Variants in DUS2 observed in about 807,000 individuals in gnomAD.
The protein encoded by DUS2 is dihydrouridine synthase 2.
Under a neutral mutation model 71.3 loss-of-function variants are expected in DUS2, and 52 were observed. The observed-to-expected ratio is 0.73, with a 90% CI of 0.58 to 0.92. DUS2 has a LOEUF of 0.92. Among genes scored for constraint, DUS2 ranks in the 40% least tolerant of loss-of-function variants. The pLI, the probability that DUS2 is intolerant of heterozygous loss-of-function variation, is 0.00. For synonymous variants in DUS2, 204 were observed against 227.8 expected (o/e 0.90, Z 0.94); for missense variants, 558 against 622.6 (o/e 0.90, Z 1.10).
intron 3 of DUS2, among the ~76,000 whole-genome samples, chr16:68,040,343 A>T (rs1000702018): frequency 6.6e-6 from 1 of 152,206 alleles, no homozygotes; most frequent in South Asian, 2.1e-4. Context: ...TTGGCCTCCC[A>T]AAGTGCTGGG....
chr16:68,032,597 G>A (rs1339667401), intron 2 of DUS2, among the ~76,000 whole-genome samples: 1 of 152,234 alleles, frequency 6.6e-6, no homozygotes, highest in Non-Finnish European at 1.5e-5. Context: ...GCATGACTGA[G>A]TTGGAGGAGT....
rs934292053 is a variant in DUS2 at position 68,055,522 on chromosome 16, G to A, written c.309-842G>A. 2.6e-5 allele frequency among the ~76,000 whole-genome samples: 4 copies of A among 152,128 alleles called. No individual in the cohort carries two copies. In the East Asian group the frequency reaches 7.7e-4, roughly 29 times the overall value. On this transcript the variant is annotated intron_variant, in intron 6 of 16. Transcript: ENST00000565263. ...AGGTTTTGAAGTTAAGACAGACCTG[G>A]TTTGCAATTCTGGTTTTGCTACTTG...
At chr16:68,049,874 T>C (rs930277259) in intron 4 of DUS2, among the ~76,000 whole-genome samples, 1 of 152,232 alleles carries the variant, frequency 6.6e-6, no homozygotes, top group Admixed American at 6.5e-5. Flanking sequence ...ATGTGTGACC[T>C]TGGGCAGGCC....
At chr16:68,055,938 G>C (rs2033845850) in intron 6 of DUS2, among the ~76,000 whole-genome samples, 1 of 151,950 alleles carries the variant, frequency 6.6e-6, no homozygotes, top group African/African-American at 2.4e-5. Flanking sequence ...TAAACCATCT[G>C]TGCAGCCCAG....
chr16:68,070,285 G>T, intron 11 of DUS2, 65 bp downstream of exon 11: 1 of 1,500,850 alleles, frequency 6.7e-7, no homozygotes, highest in Non-Finnish European at 9.3e-7. Flanking sequence ...TGGTAGCCAG[G>T]CCCAGCCTTC....
At chr16:68,072,562 C>T (rs1301550965) in intron 12 of DUS2, among the ~76,000 whole-genome samples, 1 of 152,232 alleles carries the variant, frequency 6.6e-6, no homozygotes, top group East Asian at 1.9e-4. Context: ...AGCCAGGTGC[C>T]TTCTTCCCAG....
At chr16:68,040,423 G>A (rs555343094) in intron 3 of DUS2, among the ~76,000 whole-genome samples, 6 of 152,180 alleles carry the variant, frequency 3.9e-5, no homozygotes, top group South Asian at 4.1e-4. Flanking sequence ...TAGGGCCCAC[G>A]ATTTATGTGA....
chr16:68,043,294 T>C (rs1463842278), intron 3 of DUS2, among the ~76,000 whole-genome samples: 5 of 152,028 alleles, frequency 3.3e-5, no homozygotes, highest in East Asian at 1.9e-4. Context: ...TAATCCCAGC[T>C]ACTGGGGAGG....
rs141210681 is a variant in DUS2, at chr16:68,035,678, C to T, written c.-18-2328C>T. On this transcript the variant is annotated intron_variant, in intron 2 of 16. Coordinates refer to ENST00000565263, the MANE Select transcript of DUS2 (RefSeq NM_017803.5). ...TGCTGGGATTATAGGCATGAGCCACCGTGCCTGGTCTCTCTTCTTCATTCT... is the reference window on the plus strand; with the variant it reads ...TGCTGGGATTATAGGCATGAGCCACTGTGCCTGGTCTCTCTTCTTCATTCT... Among the ~76,000 whole-genome samples, 530 of 148,940 alleles carry T rather than the reference C, an allele frequency of 3.6e-3. 2 individuals carry two copies. Among genetic ancestry groups the T allele is most frequent in the African/African-American group, 0.012 (470 of 40,192 alleles).
chr16:68,061,227 C>A, intron 8 of DUS2, 114 bp downstream of exon 8: 2 of 1,155,952 alleles, frequency 1.7e-6, no homozygotes, highest in Non-Finnish European at 2.5e-6. Flanking sequence ...CAGTTTCTCT[C>A]CCTGAGGCCT....
intron 1 of DUS2, chr16:68,023,906 C>A (rs536751592): frequency 5.2e-4 from 87 of 167,360 alleles, no homozygotes; most frequent in Non-Finnish European, 5.3e-4. Flanking sequence ...AGAACCCACC[C>A]CTCTTGCAGC....
intron 5 of DUS2, chr16:68,053,934 T>A: frequency 4.7e-6 from 2 of 421,104 alleles, no homozygotes; most frequent in Non-Finnish European, 8.7e-6. Context: ...GATTTCTCTA[T>A]TTTTTTATCC....
intron 13 of DUS2, among the ~76,000 whole-genome samples, chr16:68,074,702 C>T (rs2034133325): frequency 6.6e-6 from 1 of 152,244 alleles, no homozygotes. Context: ...GGCTCTCTCC[C>T]TCTCACGTGA....
chr16:68,028,200 G>A (rs1415601766), intron 2 of DUS2, among the ~76,000 whole-genome samples: 4 of 152,128 alleles, frequency 2.6e-5, no homozygotes, highest in Non-Finnish European at 5.9e-5. Context: ...TGTTGTCATG[G>A]TTCAGTTGAT....
rs2033750420 is a variant in DUS2 at position 68,049,556 on chromosome 16, T to G, written c.172+6T>G. 6.2e-7 allele frequency: 1 copy of G among 1,614,006 alleles called. No homozygotes were observed. The highest frequency in any genetic ancestry group is 8.5e-7 in the Non-Finnish European group (1 of 1,179,896). ...GTGCAAGAGAGTTGTTAATGGTGAGTACAGATCTGGCTCCAGAATTATGCA... is the reference window on the plus strand; with the variant it reads ...GTGCAAGAGAGTTGTTAATGGTGAGGACAGATCTGGCTCCAGAATTATGCA... On this transcript the variant is annotated splice_donor_region_variant and intron_variant, in intron 4 of 16. Coordinates refer to ENST00000565263, the MANE Select transcript of DUS2 (RefSeq NM_017803.5).
intron 12 of DUS2, among the ~76,000 whole-genome samples, chr16:68,072,613 G>A (rs896284815): frequency 1.1e-4 from 17 of 152,234 alleles, no homozygotes; most frequent in African/African-American, 4.1e-4. Context: ...GGGGCGCCCC[G>A]ACTTACTTCC....
chr16:68,062,784 T>TC (rs2033958413), intron 8 of DUS2, among the ~76,000 whole-genome samples: 1 of 150,534 alleles, frequency 6.6e-6, no homozygotes, highest in South Asian at 2.1e-4. Flanking sequence ...GCTTGTGAAC[T>TC]ATAGTCTCTT....
chr16:68,042,216 A>G (rs1418676383), intron 3 of DUS2, among the ~76,000 whole-genome samples: 2 of 152,182 alleles, frequency 1.3e-5, no homozygotes, highest in African/African-American at 4.8e-5. Flanking sequence ...TTAAGGCTGA[A>G]TAATACTCTA....
At chr16:68,062,134 C>G (rs1213942401) in intron 8 of DUS2, among the ~76,000 whole-genome samples, 1 of 152,134 alleles carries the variant, frequency 6.6e-6, no homozygotes, top group Non-Finnish European at 1.5e-5. Context: ...CCTCAACCTC[C>G]TGAGTAGCTG....
Sources: gnomAD v4.1 joint callset for allele counts (sites outside exome capture counted in the v4.1 genomes callset) on GRCh38, gnomAD v4.1.1 for gene constraint, MANE v1.5 for transcripts, NCBI Gene and HGNC (gene_info 2026-07-23, HGNC 2026-07-21) for gene names.